Variants in FLNB observed in about 807,000 individuals in gnomAD.
FLNB encodes the protein filamin B.
In FLNB, 111 loss-of-function variants were observed where a neutral mutation model predicts 250.6. The observed-to-expected ratio is 0.44, with a 90% CI of 0.38 to 0.52. The LOEUF (loss-of-function observed/expected upper bound fraction) is 0.52. Among genes scored for constraint, FLNB ranks in the 20% least tolerant of loss-of-function variants. FLNB has a pLI of 0.00. For synonymous variants in FLNB, 1,302 were observed against 1,372.1 expected, an observed-to-expected ratio of 0.95 and a Z score of 1.13; for missense variants, 2,869 against 3,447.8, an observed-to-expected ratio of 0.83 and a Z score of 4.20.
chr3:58,024,923 G>A (rs1340040418), intron 1 of FLNB, among the ~76,000 whole-genome samples: 4 of 150,456 alleles, frequency 2.7e-5, no homozygotes, highest in African/African-American at 9.7e-5. Context: ...ATATTGGCCA[G>A]GATGGTCTCA....
intron 1 of FLNB, among the ~76,000 whole-genome samples, chr3:58,073,921 A>G (rs767574437): frequency 7.2e-5 from 11 of 152,206 alleles, no homozygotes; most frequent in Non-Finnish European, 4.4e-5. Flanking sequence ...TGCATAGGCA[A>G]TTCATAACAC....
intron 20 of FLNB, 117 bp from the exon 21 acceptor site, chr3:58,122,976 G>A (rs2097291620): frequency 1.1e-6 from 1 of 946,298 alleles, no homozygotes; most frequent in Admixed American, 1.7e-5. Flanking sequence ...AAAGCCCCAA[G>A]AGAAGGGCTG....
chr3:58,030,051 C>A (rs1348971254), intron 1 of FLNB, among the ~76,000 whole-genome samples: 1 of 152,072 alleles, frequency 6.6e-6, no homozygotes, highest in Non-Finnish European at 1.5e-5. Flanking sequence ...ATGGAAAGGG[C>A]CAGGTTTATA....
intron 19 of FLNB, among the ~76,000 whole-genome samples, chr3:58,119,303 C>T (rs1445053232): frequency 1.3e-5 from 2 of 152,050 alleles, no homozygotes; most frequent in African/African-American, 2.4e-5. Flanking sequence ...ACGTAGTCAG[C>T]CCCCTGGCAT....
intron 25 of FLNB, 93 bp from the exon 26 acceptor site, chr3:58,132,715 T>C: frequency 6.5e-7 from 1 of 1,531,078 alleles, no homozygotes; most frequent in Non-Finnish European, 9.0e-7. Context: ...CCAATAGCTC[T>C]TGGGGATGGA....
At chr3:58,147,972 T>C (rs2097338348) in intron 34 of FLNB, among the ~76,000 whole-genome samples, 1 of 152,248 alleles carries the variant, frequency 6.6e-6, no homozygotes, top group African/African-American at 2.4e-5. Context: ...ATGTGGTCCA[T>C]GAGGACTCAA....
chr3:58,103,746 C>T (rs2097254759), intron 9 of FLNB, among the ~76,000 whole-genome samples: 1 of 152,156 alleles, frequency 6.6e-6, no homozygotes, highest in African/African-American at 2.4e-5. Context: ...TCCTCCATTT[C>T]CTCATACCTT....
intron 21 of FLNB, 87 bp downstream of exon 21, chr3:58,123,777 C>T: frequency 1.7e-6 from 2 of 1,151,324 alleles, no homozygotes; most frequent in South Asian, 1.4e-5. Flanking sequence ...CAAACTCAGC[C>T]ACCTGCAGGA....
At chr3:58,067,854 C>T (rs550069556) in intron 1 of FLNB, among the ~76,000 whole-genome samples, 34 of 152,230 alleles carry the variant, frequency 2.2e-4, no homozygotes, top group African/African-American at 7.5e-4. Context: ...GGATTACAGG[C>T]GTGAGCCACC....
chr3:58,139,614 T>G (rs1404233425), intron 29 of FLNB, among the ~76,000 whole-genome samples: 2 of 152,228 alleles, frequency 1.3e-5, no homozygotes, highest in African/African-American at 2.4e-5. Flanking sequence ...ATGTCTCAAG[T>G]ATGTAAATGT....
chr3:58,061,547 C>T (rs1034193711), intron 1 of FLNB, among the ~76,000 whole-genome samples: 5 of 151,230 alleles, frequency 3.3e-5, no homozygotes, highest in African/African-American at 7.3e-5. Context: ...GGAAACCTGG[C>T]GAAATCCTGT....
At chr3:58,101,271 T>C (rs13091926) in intron 8 of FLNB, among the ~76,000 whole-genome samples, 43,559 of 152,042 alleles carry the variant, frequency 0.29, 6,678 homozygotes, top group Middle Eastern at 0.39. Context: ...CTGGAGTCTG[T>C]GACCTTCCTG....
chr3:58,106,971 G>T, intron 12 of FLNB, 98 bp downstream of exon 12: 3 of 868,282 alleles, frequency 3.5e-6, no homozygotes, highest in South Asian at 1.4e-5. Context: ...AGAGATGGCA[G>T]AGAGGAATCA....
At chr3:58,133,995 G>A (rs1371669791) in intron 26 of FLNB, among the ~76,000 whole-genome samples, 1 of 152,178 alleles carries the variant, frequency 6.6e-6, no homozygotes. Flanking sequence ...CATAACAAAA[G>A]TGGGGTAAAT....
intron 1 of FLNB, among the ~76,000 whole-genome samples, chr3:58,048,422 G>A (rs576887768): frequency 6.6e-5 from 10 of 152,340 alleles, no homozygotes; most frequent in African/African-American, 2.4e-4. Context: ...GTCTTCGGCT[G>A]TAGAATGTTC....
At chr3:58,132,545 C>G (rs2097309272) in intron 25 of FLNB, 2 of 541,334 alleles carry the variant, frequency 3.7e-6, no homozygotes, top group African/African-American at 1.9e-5. Flanking sequence ...CACAGGCAGT[C>G]TCCTTAATTA....
chr3:58,150,405 A>G, intron 38 of FLNB, 178 bp downstream of exon 38: 1 of 712,532 alleles, frequency 1.4e-6, no homozygotes, highest in South Asian at 1.8e-5. Flanking sequence ...ACAGAGTCTC[A>G]TCCAAGAAAA....
chr3:58,112,102 A>G (rs567597185), intron 17 of FLNB, 47 bp from the exon 18 acceptor site: 2 of 1,590,490 alleles, frequency 1.3e-6, no homozygotes, highest in Non-Finnish European at 1.7e-6. Context: ...TCAAAGTGAA[A>G]CTACTCCAGC....
At chr3:58,075,577 T>C (rs13073391) in intron 1 of FLNB, among the ~76,000 whole-genome samples, 42,811 of 151,952 alleles carry the variant, frequency 0.28, 6,585 homozygotes, top group Middle Eastern at 0.41. Flanking sequence ...AAGGAGCTGA[T>C]TGTGTGCAGC....
Sources: gnomAD v4.1 joint callset for allele counts (sites outside exome capture counted in the v4.1 genomes callset) on GRCh38, gnomAD v4.1.1 for gene constraint, MANE v1.5 for transcripts, NCBI Gene and HGNC (gene_info 2026-07-23, HGNC 2026-07-21) for gene names.